F5: variants seen among roughly 807,000 people sequenced by gnomAD.
F5 encodes the protein coagulation factor V, also known as activated protein c cofactor.
F5 carries 138 observed loss-of-function variants against 216.4 expected under a neutral mutation model. The observed-to-expected ratio is 0.64, with a 90% confidence interval of 0.56 to 0.73. F5 has a LOEUF of 0.73. Ranked by LOEUF, F5 falls within the 30% of genes least tolerant of loss-of-function variation. The probability of loss-of-function intolerance (pLI) is 0.00; values close to 1 mark genes in which losing one functional copy is unlikely to be tolerated. For missense variants in F5, 2,403 were observed against 2,674.0 expected, an observed-to-expected ratio of 0.90 and a Z score of 2.24; for synonymous variants, 916 against 930.7, an observed-to-expected ratio of 0.98 and a Z score of 0.29.
intron 14 of F5, among the ~76,000 whole-genome samples, chr1:169,534,991 T>G (rs1659673384): frequency 6.6e-6 from 1 of 152,022 alleles, no homozygotes; most frequent in Non-Finnish European, 1.5e-5. Context: ...TGGGTACTCA[T>G]GAACATAAAG....
intron 9 of F5, 150 bp downstream of exon 9, chr1:169,550,490 G>T: frequency 2.9e-6 from 2 of 692,348 alleles, no homozygotes; most frequent in Admixed American, 4.3e-5. Flanking sequence ...CTCCTGAAGT[G>T]AGAAGGGTTT....
Position 169,544,422 on chromosome 1 carries a change from T to C in F5, c.1849A>G (p.Thr617Ala). Residue 617 changes from threonine to alanine, a missense_variant, in exon 12 of 25, where the codon ACC becomes GCC. By Grantham distance (58) the Thr-to-Ala change is moderately conservative. Coordinates refer to ENST00000367797, the MANE Select transcript of F5 (RefSeq NM_000130.5). Reference sequence around the variant, plus strand: ...TGGATGGTCAAAATTTCATTCTGGGTCCCCACACTACAGAAGTGCCACTGG... The same window carrying C: ...TGGATGGTCAAAATTTCATTCTGGGCCCCCACACTACAGAAGTGCCACTGG... The part of the protein sequence containing the change: ...TVQWHFCSVG[T>A]QNEILTIHFT... The C allele has an allele frequency of 6.2e-7, 1 of 1,614,000 alleles. No homozygotes were observed. Among genetic ancestry groups the C allele is most frequent in the Non-Finnish European group, 8.5e-7 (1 of 1,179,984 alleles).
intron 14 of F5, among the ~76,000 whole-genome samples, chr1:169,533,165 A>G (rs10919185): frequency 0.054 from 8,241 of 152,258 alleles, 348 homozygotes; most frequent in Admixed American, 0.1. Flanking sequence ...TATTTAATAA[A>G]TGGTGCTGGA....
chr1:169,540,903 T>C lies in F5; in HGVS notation c.4187A>G (p.Asp1396Gly). ...TGGGGTAAGGGGAATTTGACTGAGA[T>C]CTGCAAAGAGGGGCATCTCACTGAG... The part of the protein sequence containing the change: ...PDLSEMPLFA[D>G]LSQIPLTPDL... The change falls in exon 13 of 25, where the codon GAT becomes GGT. Residue 1396 changes from aspartate (D) to glycine (G), a missense_variant. By Grantham distance (94) the Asp-to-Gly change is moderately conservative. Around this residue, in one of 4 missense-constraint regions of F5, gnomAD observed 293 missense variants for 270.8 expected, o/e 1.08. Transcript: ENST00000367797. 13 of 1,611,586 alleles carry C rather than the reference T, an allele frequency of 8.1e-6. No individual in the cohort carries two copies. Among genetic ancestry groups the C allele is most frequent in the Non-Finnish European group, 7.6e-6 (9 of 1,179,112 alleles).
chr1:169,563,774 C>T (rs58131257), intron 3 of F5, among the ~76,000 whole-genome samples: 4,870 of 151,900 alleles, frequency 0.032, 256 homozygotes, highest in African/African-American at 0.11. Context: ...TCATCATGCT[C>T]ATGCTTTTCT....
In F5 at chr1:169,557,986, C is replaced by T. The variant is rs180872179; in HGVS notation, c.731-1119G>A. On this transcript the variant is annotated intron_variant, in intron 5 of 24. Coordinates refer to ENST00000367797, the MANE Select transcript of F5 (RefSeq NM_000130.5). ...TTCCCTACCTTGTCCCATTTACCCC[C>T]AATTATTCTTTTGGGAACTATAAAT... 1.5e-3 allele frequency among the ~76,000 whole-genome samples: 230 copies of T among 152,286 alleles called. 1 individual carries two copies. Among genetic ancestry groups the T allele is most frequent in the African/African-American group, 4.9e-3 (205 of 41,554 alleles).
intron 1 of F5, 64 bp downstream of exon 1, chr1:169,586,165 G>T: frequency 6.4e-7 from 1 of 1,562,544 alleles, no homozygotes. Context: ...CAAAGGGAAT[G>T]TTCTCTAAAA....
chr1:169,555,966 C>T (rs1401216479), intron 6 of F5, among the ~76,000 whole-genome samples: 2 of 152,074 alleles, frequency 1.3e-5, no homozygotes, highest in East Asian at 1.9e-4. Context: ...AAATGATTTC[C>T]TATTGTGATA....
chr1:169,552,772 A>C, intron 7 of F5, 38 bp from the exon 8 acceptor site: 12 of 1,470,488 alleles, frequency 8.2e-6, no homozygotes, highest in Non-Finnish European at 1.1e-5. Flanking sequence ...CCACTTTCTC[A>C]AATAGAGATC....
At position 169,530,846 on chromosome 1, in the gene F5, T is replaced by C; in HGVS notation, c.5148A>G (p.Ser1716=). 1 of 1,613,982 alleles carries C rather than the reference T, an allele frequency of 6.2e-7. No individual in the cohort carries two copies. The highest frequency in any genetic ancestry group is 8.5e-7 in the Non-Finnish European group (1 of 1,179,860). Residue 1716 remains serine (S), a synonymous_variant, in exon 15 of 25, where the codon TCA becomes TCG. Coordinates refer to ENST00000367797, the MANE Select transcript of F5 (RefSeq NM_000130.5). ...YTYVWHATER[S]GPESPGSACR... ...AGGCAGAGCCAGGACTTTCTGGCCC[T>C]GATCGCTCAGTGGCATGCCATACGT...
chr1:169,556,442 C>T (rs944654837), intron 6 of F5, among the ~76,000 whole-genome samples: 2 of 9,650 alleles, frequency 2.1e-4, no homozygotes, highest in South Asian at 6.0e-3. Flanking sequence ...AAAAAAAAAA[C>T]CTTTGCCAAT....
At chr1:169,581,873 C>T (rs975991648) in intron 2 of F5, among the ~76,000 whole-genome samples, 1 of 152,126 alleles carries the variant, frequency 6.6e-6, no homozygotes, top group Non-Finnish European at 1.5e-5. Context: ...GCAAAAGAGT[C>T]AGCCATACAT....
chr1:169,556,059 G>A (rs1358253960), intron 6 of F5, among the ~76,000 whole-genome samples: 1 of 152,108 alleles, frequency 6.6e-6, no homozygotes, highest in Non-Finnish European at 1.5e-5. Flanking sequence ...AGAACAATCA[G>A]TTATTTTGTT....
In F5 at chr1:169,541,916, T is replaced by C. The variant is rs746236928; in HGVS notation, c.3174A>G (p.Thr1058=). 40 of 1,613,986 alleles carry C rather than the reference T, an allele frequency of 2.5e-5. No individual in the cohort carries two copies. The South Asian group carries it at 4.3e-4, about 17-fold the overall frequency. The stretch of plus-strand genomic sequence containing the variant: ...AATGCTTAAGTCTTCTTTCTGAAAA[T>C]GTGTTGTAGGCTTCACTTCTTAGAG... ...FHPLRSEAYN[T]FSERRLKHSL... The change falls in exon 13 of 25, where the codon ACA becomes ACG. Residue 1058 remains threonine (T), a synonymous_variant. Transcript: ENST00000367797.
At chr1:169,553,435 G>A (rs755662598) in intron 7 of F5, among the ~76,000 whole-genome samples, 1 of 152,350 alleles carries the variant, frequency 6.6e-6, no homozygotes, top group South Asian at 2.1e-4. Context: ...GAGGCCGGGC[G>A]CGGTGGCTCA....
chr1:169,535,528 C>T (rs1659684743), intron 14 of F5, among the ~76,000 whole-genome samples: 1 of 152,154 alleles, frequency 6.6e-6, no homozygotes, highest in Admixed American at 6.5e-5. Flanking sequence ...GCTTTTCATC[C>T]ATCCCCCGTT....
chr1:169,541,721 T>G lies in F5; in HGVS notation c.3369A>C (p.Pro1123=). 1 of 1,614,052 alleles carries G rather than the reference T, an allele frequency of 6.2e-7. No homozygotes were observed. The highest frequency in any genetic ancestry group is 8.5e-7 in the Non-Finnish European group (1 of 1,179,972). ...CPPGLYQTVP[P]EEHYQTFPIQ... ...TGGGGAATGTTTGATAGTGTTCCTCTGGGGGCACTGTCTGATAAAGACCTG... is the reference window on the plus strand; with the variant it reads ...TGGGGAATGTTTGATAGTGTTCCTCGGGGGGCACTGTCTGATAAAGACCTG... The change falls in exon 13 of 25, where the codon CCA becomes CCC. Residue 1123 remains proline, a synonymous_variant. Coordinates refer to ENST00000367797, the MANE Select transcript of F5 (RefSeq NM_000130.5).
intron 1 of F5, 87 bp from the exon 2 acceptor site, chr1:169,582,609 C>T: frequency 1.4e-6 from 1 of 692,502 alleles, no homozygotes; most frequent in African/African-American, 1.8e-5. Flanking sequence ...CTCATATCTT[C>T]AGACTTCTAG....
chr1:169,516,523 A>G (rs1221837792), intron 23 of F5, among the ~76,000 whole-genome samples: 2 of 152,254 alleles, frequency 1.3e-5, no homozygotes, highest in Non-Finnish European at 2.9e-5. Flanking sequence ...CACATGCTAT[A>G]TGTATTTTAA....
Sources: allele counts gnomAD v4.1 joint callset (sites outside exome capture counted in the v4.1 genomes callset), GRCh38; gene constraint gnomAD v4.1.1; regional missense constraint gnomAD v4.1.1; transcripts MANE v1.5; gene names NCBI Gene and HGNC (gene_info 2026-07-23, HGNC 2026-07-21).